Variants in DACH2 observed in about 807,000 individuals in gnomAD.
DACH2 encodes dachshund family transcription factor 2, also known as dachshund homolog 2.
Under a neutral mutation model 35.8 loss-of-function variants are expected in DACH2, and 17 were observed. That is an observed-to-expected ratio of 0.48 (90% CI 0.33 to 0.71). The LOEUF (loss-of-function observed/expected upper bound fraction) is 0.71, where lower values mean the gene tolerates loss of function less well. Ranked by LOEUF, DACH2 falls within the 30% of genes least tolerant of loss-of-function variation. The probability of loss-of-function intolerance (pLI) is 0.02; values close to 1 mark genes in which losing one functional copy is unlikely to be tolerated. For synonymous variants in DACH2, 195 were observed against 177.3 expected (o/e 1.10, Z -0.79); for missense variants, 469 against 472.7 (o/e 0.99, Z 0.07).
At chrX:86,276,583 G>C (rs1439073761) in intron 1 of DACH2, among the ~76,000 whole-genome samples, 3 of 67,189 alleles carry the variant, frequency 4.5e-5, no homozygotes, top group Non-Finnish European at 7.8e-5. Flanking sequence ...TGCTTGTGGG[G>C]TACTGCTCAA....
At chrX:86,478,550 T>C (rs1278206941) in intron 2 of DACH2, among the ~76,000 whole-genome samples, 1 of 107,469 alleles carries the variant, frequency 9.3e-6, no homozygotes, top group Non-Finnish European at 1.9e-5. Flanking sequence ...TTCTTTTTTT[T>C]TTTTTTTTTA....
intron 3 of DACH2, among the ~76,000 whole-genome samples, chrX:86,524,265 G>T (rs147043017): frequency 2.7e-3 from 301 of 112,359 alleles, no homozygotes; most frequent in African/African-American, 9.5e-3. Context: ...CTGCTGACAG[G>T]GGGTGGAGTT....
At chrX:86,227,229 T>G (rs1355567067) in intron 1 of DACH2, among the ~76,000 whole-genome samples, 2 of 106,917 alleles carry the variant, frequency 1.9e-5, no homozygotes, top group Admixed American at 1.0e-4. Flanking sequence ...TTCATGTGTT[T>G]TTGACACTGT....
intron 2 of DACH2, among the ~76,000 whole-genome samples, chrX:86,500,447 A>G (rs1363185834): frequency 8.9e-6 from 1 of 111,854 alleles, no homozygotes; most frequent in Non-Finnish European, 1.9e-5. Flanking sequence ...AACATCTTCT[A>G]TCTGTATCCC....
chrX:86,369,992 G>A (rs1320186758), intron 1 of DACH2, among the ~76,000 whole-genome samples: 1 of 111,506 alleles, frequency 9.0e-6, no homozygotes, highest in Non-Finnish European at 1.9e-5. Flanking sequence ...AGGGTAAAGT[G>A]TCCCTTCACA....
At chrX:86,477,998 TTAACTC>T (rs778199697) in intron 2 of DACH2, among the ~76,000 whole-genome samples, 4 of 111,874 alleles carry the variant, frequency 3.6e-5, no homozygotes, top group South Asian at 7.4e-4. Context: ...ACTCTACAGT[TTAACTC>T]TATCCCTCTG....
intron 4 of DACH2, among the ~76,000 whole-genome samples, chrX:86,669,278 G>A (rs1396248527): frequency 9.0e-6 from 1 of 110,757 alleles, no homozygotes; most frequent in Non-Finnish European, 1.9e-5. Context: ...TGGAAGTATT[G>A]ACACATTCTT....
At chrX:86,616,690 T>C (rs114634954) in intron 3 of DACH2, among the ~76,000 whole-genome samples, 1,303 of 112,075 alleles carry the variant, frequency 0.012, 22 homozygotes, top group African/African-American at 0.04. Context: ...GTATAATTTG[T>C]ATTTTTTTCT....
chrX:86,741,539 A>C (rs2041655978), intron 7 of DACH2, among the ~76,000 whole-genome samples: 1 of 111,830 alleles, frequency 8.9e-6, no homozygotes, highest in African/African-American at 3.2e-5. Flanking sequence ...TCAGAGAGTA[A>C]GTTTAATTCC....
At chrX:86,812,214 G>A (rs1439988667) in intron 7 of DACH2, among the ~76,000 whole-genome samples, 3 of 111,762 alleles carry the variant, frequency 2.7e-5, no homozygotes, top group South Asian at 3.7e-4. Flanking sequence ...ACCATGTATC[G>A]TAGGATTCTA....
intron 2 of DACH2, among the ~76,000 whole-genome samples, chrX:86,432,623 C>T (rs1301637923): frequency 8.9e-6 from 1 of 111,986 alleles, no homozygotes; most frequent in Non-Finnish European, 1.9e-5. Context: ...ACATGTGACA[C>T]TATGCATTGG....
At chrX:86,555,903 C>A (rs2039111896) in intron 3 of DACH2, among the ~76,000 whole-genome samples, 1 of 110,840 alleles carries the variant, frequency 9.0e-6, no homozygotes, top group Non-Finnish European at 1.9e-5. Flanking sequence ...GTTTTTAAGC[C>A]CATCATGGTT....
intron 3 of DACH2, among the ~76,000 whole-genome samples, chrX:86,550,951 A>C (rs1189434387): frequency 8.9e-6 from 1 of 111,820 alleles, no homozygotes; most frequent in Non-Finnish European, 1.9e-5. Context: ...ATATGGCTTC[A>C]GTGTCCTTTC....
chrX:86,813,766 G>A (rs917591713), intron 9 of DACH2, among the ~76,000 whole-genome samples: 1 of 110,647 alleles, frequency 9.0e-6, no homozygotes, highest in East Asian at 2.8e-4. Flanking sequence ...GTGATCTTTG[G>A]TCTTCAGGCT....
intron 1 of DACH2, among the ~76,000 whole-genome samples, chrX:86,234,433 AC>A (rs1468011816): frequency 9.0e-6 from 1 of 110,752 alleles, no homozygotes; most frequent in Non-Finnish European, 1.9e-5. Context: ...TACACTGGTC[AC>A]CCCCAACCCC....
At chrX:86,533,510 T>A (rs746122977) in intron 3 of DACH2, among the ~76,000 whole-genome samples, 1 of 111,997 alleles carries the variant, frequency 8.9e-6, no homozygotes, top group South Asian at 3.7e-4. Flanking sequence ...TCTTTCACAC[T>A]TCCATGGCTT....
chrX:86,215,692 T>A (rs1043335890), intron 1 of DACH2, among the ~76,000 whole-genome samples: 3 of 111,556 alleles, frequency 2.7e-5, no homozygotes, highest in Non-Finnish European at 5.6e-5. Flanking sequence ...GAAAAGAGAT[T>A]GGTTAGAGTA....
intron 4 of DACH2, among the ~76,000 whole-genome samples, chrX:86,694,371 A>G (rs1405780094): frequency 8.9e-6 from 1 of 112,320 alleles, no homozygotes; most frequent in African/African-American, 3.2e-5. Flanking sequence ...TATGCTAGAT[A>G]CCAGATAAAA....
At chrX:86,704,473 T>C (rs1273534252) in intron 5 of DACH2, among the ~76,000 whole-genome samples, 1 of 111,497 alleles carries the variant, frequency 9.0e-6, no homozygotes, top group East Asian at 2.8e-4. Context: ...AAAAACCTTC[T>C]GCACAGCAAA....
Sources: allele counts gnomAD v4.1 joint callset (sites outside exome capture counted in the v4.1 genomes callset), GRCh38; gene constraint gnomAD v4.1.1; transcripts MANE v1.5; gene names NCBI Gene and HGNC (gene_info 2026-07-23, HGNC 2026-07-21).